ADAM23: variants seen among roughly 807,000 people sequenced by gnomAD.
ADAM23 encodes ADAM metallopeptidase domain 23, also known as disintegrin and metalloproteinase domain-containing protein 23.
A neutral mutation model predicts 120.1 loss-of-function variants in ADAM23; 33 were observed. That is an observed-to-expected ratio of 0.27 (90% CI 0.21 to 0.37). ADAM23 has a LOEUF of 0.37. Ranked by LOEUF, ADAM23 falls within the 10% of genes least tolerant of loss-of-function variation. The pLI, the probability that ADAM23 is intolerant of heterozygous loss-of-function variation, is 1.00. For missense variants in ADAM23, 862 were observed against 1,058.2 expected, an observed-to-expected ratio of 0.81 and a Z score of 2.57; for synonymous variants, 367 against 375.2, an observed-to-expected ratio of 0.98 and a Z score of 0.25.
intron 20 of ADAM23, among the ~76,000 whole-genome samples, chr2:206,588,919 T>A (rs1055303648): frequency 1.3e-5 from 2 of 152,208 alleles, no homozygotes; most frequent in Admixed American, 1.3e-4. Flanking sequence ...ATAATAGACA[T>A]ATTTGTATTT....
chr2:206,537,640 C>G (rs528416206), intron 4 of ADAM23, among the ~76,000 whole-genome samples: 38 of 151,976 alleles, frequency 2.5e-4, no homozygotes, highest in African/African-American at 9.2e-4. Flanking sequence ...ATTTTCCCTT[C>G]TTTTTTACTG....
At chr2:206,446,156 CATTG>C (rs1161293697) in intron 2 of ADAM23, among the ~76,000 whole-genome samples, 3 of 152,144 alleles carry the variant, frequency 2.0e-5, no homozygotes, top group Non-Finnish European at 4.4e-5. Flanking sequence ...ACCTACTCTG[CATTG>C]ATTATGAGCA....
intron 9 of ADAM23, among the ~76,000 whole-genome samples, chr2:206,553,782 A>G (rs1382831924): frequency 1.3e-5 from 2 of 152,200 alleles, no homozygotes; most frequent in Admixed American, 6.5e-5. Context: ...TAATTAATAC[A>G]TTTATTTCTG....
At chr2:206,502,891 A>C (rs1320640131) in intron 3 of ADAM23, among the ~76,000 whole-genome samples, 2 of 152,190 alleles carry the variant, frequency 1.3e-5, no homozygotes, top group African/African-American at 4.8e-5. Flanking sequence ...ACCGTGGTAG[A>C]GTACCCTATA....
At chr2:206,475,244 C>T in intron 2 of ADAM23, among the ~76,000 whole-genome samples, 1 of 152,144 alleles carries the variant, frequency 6.6e-6, no homozygotes, top group East Asian at 1.9e-4. Context: ...TAACACAAAC[C>T]TGTGCAATCA....
intron 2 of ADAM23, among the ~76,000 whole-genome samples, chr2:206,461,093 C>G (rs1438617528): frequency 7.1e-6 from 1 of 141,474 alleles, no homozygotes; most frequent in Non-Finnish European, 1.5e-5. Flanking sequence ...GATGGAGTCT[C>G]CCTCTGTTGC....
chr2:206,567,118 T>C (rs1279201870), intron 14 of ADAM23, 105 bp from the exon 15 acceptor site: 1 of 873,602 alleles, frequency 1.1e-6, no homozygotes, highest in African/African-American at 1.7e-5. Flanking sequence ...GTAGATTCAT[T>C]TGGATTCAAA....
At chr2:206,548,378 G>A (rs41272655) in intron 8 of ADAM23, 24 bp downstream of exon 8, 164 of 1,601,098 alleles carry the variant, frequency 1.0e-4, no homozygotes, top group Middle Eastern at 6.6e-4. Context: ...TGAGCCTTGG[G>A]TGGGCCTATT....
intron 3 of ADAM23, among the ~76,000 whole-genome samples, chr2:206,513,962 G>C (rs942195969): frequency 6.6e-6 from 1 of 152,192 alleles, no homozygotes; most frequent in Non-Finnish European, 1.5e-5. Flanking sequence ...TAAGCACACT[G>C]TTGAGACCTA....
intron 18 of ADAM23, among the ~76,000 whole-genome samples, chr2:206,580,556 T>C (rs1698202366): frequency 6.6e-6 from 1 of 152,218 alleles, no homozygotes; most frequent in South Asian, 2.1e-4. Flanking sequence ...CCTGCATCCC[T>C]GGTACGAAAC....
chr2:206,471,568 C>T (rs1695661340), intron 2 of ADAM23, among the ~76,000 whole-genome samples: 1 of 152,108 alleles, frequency 6.6e-6, no homozygotes, highest in Admixed American at 6.5e-5. Context: ...AAGCATGGTG[C>T]TTGGTGTCTT....
At chr2:206,459,940 C>T (rs2105858312) in intron 2 of ADAM23, among the ~76,000 whole-genome samples, 1 of 152,314 alleles carries the variant, frequency 6.6e-6, no homozygotes, top group South Asian at 2.1e-4. Flanking sequence ...CTCTCACATG[C>T]ACCATTAGAG....
intron 18 of ADAM23, among the ~76,000 whole-genome samples, chr2:206,578,329 G>A (rs1228357256): frequency 6.6e-6 from 1 of 151,960 alleles, no homozygotes; most frequent in Non-Finnish European, 1.5e-5. Flanking sequence ...CACCATATTT[G>A]TAGTCTTTTA....
At chr2:206,560,235 G>A in intron 11 of ADAM23, 117 bp downstream of exon 11, 2 of 1,111,330 alleles carry the variant, frequency 1.8e-6, no homozygotes, top group South Asian at 1.7e-5. Context: ...ATTTCTGTGG[G>A]TTCCTTTGTC....
chr2:206,618,044 C>T lies in ADAM23; in HGVS notation c.*417C>T. 6.3e-6 allele frequency: 1 copy of T among 158,790 alleles called. No individual in the cohort carries two copies. Among genetic ancestry groups the T allele is most frequent in the Non-Finnish European group, 1.4e-5 (1 of 72,428 alleles). 9.8% of individuals were successfully genotyped at this position (158,790 alleles called of 1,614,324 possible). On this transcript the variant is annotated 3_prime_UTR_variant, in exon 26 of 26. Coordinates refer to ENST00000264377, the MANE Select transcript of ADAM23 (RefSeq NM_003812.4). Reference sequence around the variant, plus strand: ...GGCATGATTTTTTTTTCTTTACTACCGATGACAAACTCCAGTGGCATGAAG... The same window carrying T: ...GGCATGATTTTTTTTTCTTTACTACTGATGACAAACTCCAGTGGCATGAAG...
At chr2:206,594,501 A>G (rs73983052) in intron 22 of ADAM23, among the ~76,000 whole-genome samples, 1 of 152,172 alleles carries the variant, frequency 6.6e-6, no homozygotes, top group Non-Finnish European at 1.5e-5. Context: ...CTTTGTGCAA[A>G]TGACATTTTT....
At chr2:206,576,540 A>G (rs574695005) in intron 18 of ADAM23, among the ~76,000 whole-genome samples, 2 of 152,248 alleles carry the variant, frequency 1.3e-5, no homozygotes, top group African/African-American at 4.8e-5. Flanking sequence ...ATGAACCTAA[A>G]ATAGAAGTAG....
chr2:206,572,730 C>A (rs1337180753), intron 17 of ADAM23, among the ~76,000 whole-genome samples: 3 of 152,126 alleles, frequency 2.0e-5, no homozygotes, highest in Non-Finnish European at 2.9e-5. Context: ...ATAGGTAATT[C>A]AGTGAAGGTT....
chr2:206,462,781 A>AT (rs1212422834), intron 2 of ADAM23, among the ~76,000 whole-genome samples: 4 of 151,588 alleles, frequency 2.6e-5, no homozygotes, highest in Middle Eastern at 3.4e-3. Context: ...CTGCTCTGTT[A>AT]TTTTTTTTTA....
Sources: gnomAD v4.1 joint callset for allele counts (sites outside exome capture counted in the v4.1 genomes callset) on GRCh38, gnomAD v4.1.1 for gene constraint, MANE v1.5 for transcripts, NCBI Gene and HGNC (gene_info 2026-07-23, HGNC 2026-07-21) for gene names.